The following FHIT variants were observed in gnomAD, a reference collection of about 807,000 sequenced individuals.
The protein encoded by FHIT is bis(5'-adenosyl)-triphosphatase.
FHIT carries 19 observed loss-of-function variants against 17.9 expected under a neutral mutation model. The ratio of observed to expected loss-of-function variants is 1.06; its 90% confidence interval spans 0.74 to 1.56. FHIT has a LOEUF of 1.56. Ranked by LOEUF, FHIT falls within the 40% of genes most tolerant of loss-of-function variation. FHIT has a pLI of 0.00. For missense variants in FHIT, 248 were observed against 189.2 expected (o/e 1.31, Z -1.82); for synonymous variants, 81 against 69.7 (o/e 1.16, Z -0.81).
Position 60,870,228 on chromosome 3 carries a change from A to G in FHIT, c.-110-48217T>C, listed in dbSNP as rs374893888. On this transcript the variant is annotated intron_variant, in intron 3 of 9. Transcript: ENST00000492590. ...ACTAATATTGCTCTGTTATATGCATAATGGATCAATACAGAGGTATTTAAA... is the reference window on the plus strand; with the variant it reads ...ACTAATATTGCTCTGTTATATGCATGATGGATCAATACAGAGGTATTTAAA... 2.1e-4 allele frequency among the ~76,000 whole-genome samples: 31 copies of G among 144,284 alleles called. No individual in the cohort carries two copies. In the South Asian group the frequency reaches 7.2e-3, roughly 34 times the overall value. The allele number at this position is 144,284 out of a possible 152,430, so 94.7% of individuals were successfully genotyped here.
intron 8 of FHIT, among the ~76,000 whole-genome samples, chr3:59,847,275 CTTTT>C (rs957410330): frequency 6.6e-6 from 1 of 151,564 alleles, no homozygotes; most frequent in Non-Finnish European, 1.5e-5. Flanking sequence ...CTTTCTTCAA[CTTTT>C]TTTTTCTCTC....
At chr3:60,489,454 A>G (rs1354707024) in intron 5 of FHIT, among the ~76,000 whole-genome samples, 1 of 152,182 alleles carries the variant, frequency 6.6e-6, no homozygotes, top group Non-Finnish European at 1.5e-5. Flanking sequence ...TGAATTAAAG[A>G]CATCATGACT....
intron 5 of FHIT, among the ~76,000 whole-genome samples, chr3:60,070,593 C>A (rs193126066): frequency 1.5e-4 from 23 of 152,274 alleles, no homozygotes; most frequent in African/African-American, 4.8e-4. Flanking sequence ...GATTTGGGAG[C>A]TTTTGTCACA....
intron 5 of FHIT, among the ~76,000 whole-genome samples, chr3:60,532,640 C>A (rs1396187439): frequency 6.6e-6 from 1 of 152,156 alleles, no homozygotes; most frequent in African/African-American, 2.4e-5. Flanking sequence ...CGTTGCACCA[C>A]AGAAGCCAAA....
chr3:60,653,160 A>G (rs1478420170), intron 4 of FHIT, among the ~76,000 whole-genome samples: 17 of 152,212 alleles, frequency 1.1e-4, no homozygotes, highest in African/African-American at 4.1e-4. Context: ...GAAAATGAGC[A>G]AGTAAAACAA....
chr3:59,879,248 T>G (rs1243935669), intron 8 of FHIT, among the ~76,000 whole-genome samples: 1 of 152,194 alleles, frequency 6.6e-6, no homozygotes, highest in African/African-American at 2.4e-5. Context: ...ATGACAAATT[T>G]GCCATCTGAT....
chr3:59,784,303 C>A (rs1000307484), intron 8 of FHIT, among the ~76,000 whole-genome samples: 6 of 152,184 alleles, frequency 3.9e-5, no homozygotes, highest in African/African-American at 1.4e-4. Context: ...CTTCTACCAG[C>A]CTTGTTTCTC....
At chr3:60,745,885 C>A (rs2042346479) in intron 4 of FHIT, among the ~76,000 whole-genome samples, 1 of 152,102 alleles carries the variant, frequency 6.6e-6, no homozygotes, top group African/African-American at 2.4e-5. Context: ...AAGGTACCAC[C>A]ACGTACTCTG....
At chr3:60,463,636 G>C (rs1408391766) in intron 5 of FHIT, among the ~76,000 whole-genome samples, 1 of 152,196 alleles carries the variant, frequency 6.6e-6, no homozygotes, top group Non-Finnish European at 1.5e-5. Flanking sequence ...ACTGTAATAA[G>C]GCATGAACTT....
At chr3:60,351,367 T>C (rs1699386211) in intron 5 of FHIT, among the ~76,000 whole-genome samples, 1 of 152,164 alleles carries the variant, frequency 6.6e-6, no homozygotes, top group African/African-American at 2.4e-5. Context: ...CCCAATACCT[T>C]GAGTTCTACA....
intron 4 of FHIT, among the ~76,000 whole-genome samples, chr3:60,548,347 C>A (rs2107619202): frequency 6.6e-6 from 1 of 152,128 alleles, no homozygotes; most frequent in Admixed American, 6.5e-5. Context: ...AAAATATAAG[C>A]CTATATCTGT....
chr3:60,196,718 C>T (rs1702657082), intron 5 of FHIT, among the ~76,000 whole-genome samples: 2 of 151,784 alleles, frequency 1.3e-5, no homozygotes, highest in East Asian at 3.9e-4. Flanking sequence ...TACAGACATA[C>T]ATATATAACA....
intron 4 of FHIT, among the ~76,000 whole-genome samples, chr3:60,743,187 T>C (rs1201965081): frequency 6.6e-6 from 1 of 152,244 alleles, no homozygotes; most frequent in Non-Finnish European, 1.5e-5. Flanking sequence ...GGCTCTGAGC[T>C]GCTTTCTCTA....
chr3:60,129,720 G>T (rs979786307), intron 5 of FHIT, among the ~76,000 whole-genome samples: 8 of 151,872 alleles, frequency 5.3e-5, no homozygotes, highest in Non-Finnish European at 1.0e-4. Context: ...CATCTGTTTT[G>T]TTATCAAGTT....
At chr3:59,901,601 G>A (rs1400212327) in intron 8 of FHIT, among the ~76,000 whole-genome samples, 2 of 152,138 alleles carry the variant, frequency 1.3e-5, no homozygotes, top group Admixed American at 6.5e-5. Flanking sequence ...TTGCTTATTC[G>A]GATGACTATA....
chr3:60,713,266 A>C (rs1295185750), intron 4 of FHIT, among the ~76,000 whole-genome samples: 1 of 150,658 alleles, frequency 6.6e-6, no homozygotes, highest in Non-Finnish European at 1.5e-5. Context: ...TCTCTGGGAC[A>C]CATTCAAAGC....
intron 8 of FHIT, among the ~76,000 whole-genome samples, chr3:59,763,423 C>G (rs1012505677): frequency 6.6e-6 from 1 of 152,178 alleles, no homozygotes; most frequent in Non-Finnish European, 1.5e-5. Context: ...ACTGGGTTGT[C>G]AAGATAAAAC....
intron 5 of FHIT, among the ~76,000 whole-genome samples, chr3:60,211,841 C>G (rs1559731553): frequency 6.6e-6 from 1 of 152,262 alleles, no homozygotes; most frequent in East Asian, 1.9e-4. Flanking sequence ...TTAGCTGGTT[C>G]TCCAGGCTTC....
chr3:60,279,561 A>G (rs977228352), intron 5 of FHIT, among the ~76,000 whole-genome samples: 4 of 152,200 alleles, frequency 2.6e-5, no homozygotes, highest in Non-Finnish European at 1.5e-5. Flanking sequence ...TCATTATGTT[A>G]TACCAGCATT....
Sources: allele counts gnomAD v4.1 joint callset (sites outside exome capture counted in the v4.1 genomes callset), GRCh38; gene constraint gnomAD v4.1.1; transcripts MANE v1.5; gene names NCBI Gene and HGNC (gene_info 2026-07-23, HGNC 2026-07-21).